ATRX: variants seen among roughly 807,000 people sequenced by gnomAD.
ATRX encodes ATRX chromatin remodeler, also known as chromatin remodeler ATRX.
A neutral mutation model predicts 172.6 loss-of-function variants in ATRX; 12 were observed. That is an observed-to-expected ratio of 0.07 (90% CI 0.04 to 0.11). ATRX has a LOEUF of 0.11. ATRX is among the 10% of genes least tolerant of loss of function. The pLI, the probability that ATRX is intolerant of heterozygous loss-of-function variation, is 1.00. For missense variants in ATRX, 1,368 were observed against 1,767.4 expected, an observed-to-expected ratio of 0.77 and a Z score of 4.05; for synonymous variants, 674 against 594.7, an observed-to-expected ratio of 1.13 and a Z score of -1.94.
chrX:77,680,351 G>A (rs1338124711), intron 9 of ATRX, among the ~76,000 whole-genome samples: 1 of 111,177 alleles, frequency 9.0e-6, no homozygotes, highest in Non-Finnish European at 1.9e-5. Context: ...ATCACATGTG[G>A]TTTTCAAGTC....
intron 19 of ATRX, among the ~76,000 whole-genome samples, chrX:77,632,382 A>T (rs1557106024): frequency 9.0e-6 from 1 of 111,644 alleles, no homozygotes; most frequent in African/African-American, 3.3e-5. Flanking sequence ...TCAACAATAA[A>T]CCAGCCACAA....
intron 6 of ATRX, among the ~76,000 whole-genome samples, chrX:77,691,695 G>A (rs2071898294): frequency 9.0e-6 from 1 of 110,751 alleles, no homozygotes; most frequent in Non-Finnish European, 1.9e-5. Context: ...TGTAATACAA[G>A]AAAGTTTACA....
chrX:77,784,414 ATTTG>A (rs1237502652), intron 1 of ATRX, among the ~76,000 whole-genome samples: 5 of 112,471 alleles, frequency 4.4e-5, no homozygotes, highest in African/African-American at 1.3e-4. Flanking sequence ...TATATACGTA[ATTTG>A]TTCATTCTAA....
intron 30 of ATRX, among the ~76,000 whole-genome samples, chrX:77,524,564 A>G (rs1175675907): frequency 9.0e-6 from 1 of 111,144 alleles, no homozygotes; most frequent in Non-Finnish European, 1.9e-5. Flanking sequence ...TCAAATCATG[A>G]GGCCCCAGGT....
intron 2 of ATRX, among the ~76,000 whole-genome samples, chrX:77,704,889 GC>G (rs1366224097): frequency 8.9e-6 from 1 of 111,937 alleles, no homozygotes; most frequent in African/African-American, 3.2e-5. Context: ...TGGGTCTGCA[GC>G]CCCCCCATGA....
chrX:77,536,677 T>C lies in ATRX; in HGVS notation c.6700-13276A>G, dbSNP rs552666752. On this transcript the variant is annotated intron_variant, in intron 30 of 34. Coordinates refer to ENST00000373344, the MANE Select transcript of ATRX (RefSeq NM_000489.6). ...AAAATTAAAGGACGTATAGCTTTGT[T>C]TCCCAGGTTTCTCTCTACAATGGAT... 3.6e-5 allele frequency among the ~76,000 whole-genome samples: 4 copies of C among 112,264 alleles called. No homozygotes were observed. The East Asian group carries it at 1.1e-3, about 31-fold the overall frequency.
At chrX:77,663,616 T>A (rs2148491035) in intron 11 of ATRX, 58 bp from the exon 12 acceptor site, 1 of 1,055,552 alleles carries the variant, frequency 9.5e-7, no homozygotes, top group Non-Finnish European at 1.3e-6. Flanking sequence ...GCCTCGTATA[T>A]CTATTTTGCC....
At chrX:77,558,973 T>C in intron 28 of ATRX, 127 bp from the exon 29 acceptor site, 4 of 525,217 alleles carry the variant, frequency 7.6e-6, no homozygotes, top group Non-Finnish European at 1.2e-5. Context: ...CATTTCTTAC[T>C]TACTGAAGAA....
At chrX:77,633,177 TC>T in intron 19 of ATRX, 29 bp downstream of exon 19, 2 of 1,177,617 alleles carry the variant, frequency 1.7e-6, no homozygotes, top group Non-Finnish European at 2.3e-6. Context: ...TCAACTTGCT[TC>T]TTTATGTCAC....
Position 77,681,790 on chromosome X carries a change from A to G in ATRX, c.3466T>C (p.Ser1156Pro). ...TCTTCAGAACTTTCCTCAGCATCAG[A>G]TGATGATGAGCCACTTTGTATTTCC... ...TKEIQSGSSS[S>P]DAEESSEDNK... Residue 1156 changes from serine to proline, a missense_variant, in exon 9 of 35, where the codon TCT becomes CCT. Physicochemically the swap from Ser to Pro is moderately conservative, Grantham distance 74 (BLOSUM62 -1). Coordinates refer to ENST00000373344, the MANE Select transcript of ATRX (RefSeq NM_000489.6). 8.3e-7 allele frequency: 1 copy of G among 1,198,380 alleles called. No homozygotes were observed. The highest frequency in any genetic ancestry group is 1.1e-6 in the Non-Finnish European group (1 of 891,253).
chrX:77,653,436 A>G (rs928628223), intron 14 of ATRX, among the ~76,000 whole-genome samples: 1 of 112,008 alleles, frequency 8.9e-6, no homozygotes, highest in East Asian at 2.8e-4. Flanking sequence ...CAATGAAATA[A>G]GCCAGACACA....
At chrX:77,770,921 AGAGTT>A (rs1371855828) in intron 1 of ATRX, among the ~76,000 whole-genome samples, 1 of 112,103 alleles carries the variant, frequency 8.9e-6, no homozygotes, top group Non-Finnish European at 1.9e-5. Context: ...TTTACAGGCT[AGAGTT>A]ATCTTCTTGA....
At chrX:77,656,934 C>T (rs782500283) in intron 12 of ATRX, among the ~76,000 whole-genome samples, 2 of 111,287 alleles carry the variant, frequency 1.8e-5, no homozygotes, top group South Asian at 7.4e-4. Flanking sequence ...AATTACCTGT[C>T]AATAAAATAT....
chrX:77,705,662 A>G, intron 2 of ATRX, among the ~76,000 whole-genome samples: 1 of 112,482 alleles, frequency 8.9e-6, no homozygotes, highest in East Asian at 2.8e-4. Context: ...TCACTTGAGG[A>G]CAGAAGTTTA....
chrX:77,728,798 C>T (rs1325985781), intron 1 of ATRX, among the ~76,000 whole-genome samples: 1 of 96,433 alleles, frequency 1.0e-5, no homozygotes, highest in Admixed American at 1.2e-4. Flanking sequence ...CTTGCTCTGT[C>T]GCCCAGGCTG....
intron 1 of ATRX, among the ~76,000 whole-genome samples, chrX:77,776,833 T>C (rs1190619797): frequency 3.6e-5 from 4 of 111,520 alleles, no homozygotes; most frequent in African/African-American, 3.3e-5. Context: ...AGCTGGTAGA[T>C]GTCAGACGTG....
At chrX:77,660,219 C>G (rs1015392076) in intron 12 of ATRX, among the ~76,000 whole-genome samples, 16 of 111,923 alleles carry the variant, frequency 1.4e-4, no homozygotes, top group African/African-American at 4.5e-4. Flanking sequence ...CATGCTAAAT[C>G]ACACAGTTCC....
At chrX:77,739,404 G>GAT (rs1311756883) in intron 1 of ATRX, among the ~76,000 whole-genome samples, 3 of 105,758 alleles carry the variant, frequency 2.8e-5, no homozygotes, top group East Asian at 2.9e-4. Flanking sequence ...TATATAATCA[G>GAT]ATATATATAT....
chrX:77,705,927 A>G (rs1456247001), intron 2 of ATRX, among the ~76,000 whole-genome samples: 1 of 111,684 alleles, frequency 9.0e-6, no homozygotes, highest in Non-Finnish European at 1.9e-5. Context: ...TACTGGTAAA[A>G]GGACAAACAG....
Sources: gnomAD v4.1 joint callset for allele counts (sites outside exome capture counted in the v4.1 genomes callset) on GRCh38, gnomAD v4.1.1 for gene constraint, MANE v1.5 for transcripts, NCBI Gene and HGNC (gene_info 2026-07-23, HGNC 2026-07-21) for gene names.